The following OTUD7A variants were observed in gnomAD, a reference collection of about 807,000 sequenced individuals.
The protein encoded by OTUD7A is OTU domain-containing protein 7A.
In OTUD7A, 12 loss-of-function variants were observed where a neutral mutation model predicts 65.7. The observed-to-expected ratio is 0.18, with a 90% confidence interval of 0.12 to 0.30. OTUD7A has a LOEUF of 0.30. OTUD7A is among the 10% of genes least tolerant of loss of function. The pLI is 1.00. For synonymous variants in OTUD7A, 641 were observed against 586.3 expected (o/e 1.09, Z -1.35); for missense variants, 1,148 against 1,304.8 (o/e 0.88, Z 1.85).
chr15:31,804,005 C>T (rs1896203465), intron 1 of OTUD7A, among the ~76,000 whole-genome samples: 1 of 152,136 alleles, frequency 6.6e-6, no homozygotes, highest in Admixed American at 6.5e-5. Flanking sequence ...ACATCAGATG[C>T]CTCCCTAACT....
rs116887697 is a variant in OTUD7A at position 31,813,028 on chromosome 15, G to A, written c.-100+57479C>T. Among the ~76,000 whole-genome samples, 703 of 152,228 alleles carry A rather than the reference G, an allele frequency of 4.6e-3. 4 individuals are homozygous for A. Among genetic ancestry groups the A allele is most frequent in the East Asian group, 0.036 (186 of 5,184 alleles). ...GCCAGGCCCTTCCCTGGCCACTTTC[G>A]GAACCCAACCCAAAACACAGAGAAG... On this transcript the variant is annotated intron_variant, in intron 1 of 12. Transcript: ENST00000307050.
At chr15:31,594,080 T>G (rs1458546821) in intron 3 of OTUD7A, among the ~76,000 whole-genome samples, 1 of 152,192 alleles carries the variant, frequency 6.6e-6, no homozygotes, top group East Asian at 1.9e-4. Flanking sequence ...TAAAAAGGAA[T>G]TGAAATACTG....
At chr15:31,510,273 C>A (rs939714353) in intron 8 of OTUD7A, among the ~76,000 whole-genome samples, 1 of 152,014 alleles carries the variant, frequency 6.6e-6, no homozygotes, top group African/African-American at 2.4e-5. Flanking sequence ...GTTGGCTTTT[C>A]TTTCTGCGAC....
At chr15:31,596,125 C>G (rs566985852) in intron 3 of OTUD7A, among the ~76,000 whole-genome samples, 132 of 152,196 alleles carry the variant, frequency 8.7e-4, no homozygotes, top group African/African-American at 3.1e-3. Context: ...CAGTGGTAAC[C>G]AGAGCAGTGT....
At position 31,503,715 on chromosome 15, in the gene OTUD7A, T is replaced by C. The variant is rs889891165; in HGVS notation, c.997A>G (p.Met333Val). The change falls in exon 9 of 13, where the codon ATG becomes GTG. Residue 333 changes from methionine to valine, a missense_variant. Around this residue, in one of 6 missense-constraint regions of OTUD7A, gnomAD observed 58 missense variants for 131.4 expected, o/e 0.44. Coordinates refer to ENST00000307050, the MANE Select transcript of OTUD7A (RefSeq NM_001382637.1). ...RRPIVVVADT[M>V]LRDSGGEAFA... Reference sequence around the variant, plus strand: ...CCTTCTCCACCTGAGTCTCTTAACATTGTATCTGCCACAACAACGATGGGC... The same window carrying C: ...CCTTCTCCACCTGAGTCTCTTAACACTGTATCTGCCACAACAACGATGGGC... 2 of 1,614,056 alleles carry C rather than the reference T, an allele frequency of 1.2e-6. No homozygotes were observed. Among genetic ancestry groups the C allele is most frequent in the Non-Finnish European group, 8.5e-7 (1 of 1,180,028 alleles).
chr15:31,495,878 C>T (rs930302488), intron 10 of OTUD7A, among the ~76,000 whole-genome samples: 4 of 152,040 alleles, frequency 2.6e-5, no homozygotes, highest in East Asian at 1.9e-4. Context: ...CCAGCCTGGG[C>T]AACATGGAGA....
chr15:31,865,045 CCA>C, intron 1 of OTUD7A, among the ~76,000 whole-genome samples: 1 of 152,284 alleles, frequency 6.6e-6, no homozygotes, highest in Non-Finnish European at 1.5e-5. Context: ...GGGGTTGTGC[CCA>C]AGGTCACACA....
chr15:31,625,524 C>T (rs1001796251), intron 3 of OTUD7A, among the ~76,000 whole-genome samples: 6 of 151,870 alleles, frequency 4.0e-5, no homozygotes, highest in Non-Finnish European at 5.9e-5. Flanking sequence ...GCAGGACTCT[C>T]GTATGTTGTT....
At chr15:31,629,727 C>T (rs1298511461) in intron 3 of OTUD7A, among the ~76,000 whole-genome samples, 6 of 151,988 alleles carry the variant, frequency 3.9e-5, no homozygotes, top group African/African-American at 1.2e-4. Flanking sequence ...TGGTCCTGGA[C>T]GTTTTTGGTT....
chr15:31,780,528 G>A (rs535496114), intron 1 of OTUD7A, among the ~76,000 whole-genome samples: 2 of 152,310 alleles, frequency 1.3e-5, no homozygotes, highest in Non-Finnish European at 2.9e-5. Flanking sequence ...CCAGATCTGT[G>A]GGCTCCGCAG....
Position 31,481,184 on chromosome 15 carries a change from A to G in OTUD7A, c.*2110T>C, listed in dbSNP as rs1481364943. ...GTTTTTACATTAAGAAATGAAAAAA[A>G]CAAGCAAGAATTGACTTTATGCCTC... On this transcript the variant is annotated 3_prime_UTR_variant, in exon 13 of 13. Transcript: ENST00000307050. The G allele has an allele frequency of 6.6e-6, 1 of 152,164 alleles. No homozygotes were observed. Among genetic ancestry groups the G allele is most frequent in the Admixed American group, 6.5e-5 (1 of 15,280 alleles). The allele number at this position is 152,164 out of a possible 1,614,324, so 9.4% of individuals were successfully genotyped here.
At chr15:31,651,360 C>T (rs1290585561) in intron 3 of OTUD7A, among the ~76,000 whole-genome samples, 1 of 151,326 alleles carries the variant, frequency 6.6e-6, no homozygotes, top group East Asian at 1.9e-4. Context: ...AACCTATAGC[C>T]AACATTCTAC....
chr15:31,528,686 G>A (rs2042047429), intron 6 of OTUD7A, among the ~76,000 whole-genome samples: 1 of 152,184 alleles, frequency 6.6e-6, no homozygotes, highest in African/African-American at 2.4e-5. Context: ...TGCAGAGATG[G>A]CCTCCTTGTC....
chr15:31,502,744 G>C (rs1393679362), intron 9 of OTUD7A, among the ~76,000 whole-genome samples: 1 of 152,324 alleles, frequency 6.6e-6, no homozygotes, highest in East Asian at 1.9e-4. Context: ...GGCTTACGCA[G>C]CAGTGCCCTG....
intron 1 of OTUD7A, among the ~76,000 whole-genome samples, chr15:31,854,245 C>A (rs1897504517): frequency 6.6e-6 from 1 of 152,192 alleles, no homozygotes; most frequent in Non-Finnish European, 1.5e-5. Flanking sequence ...ACTCTGACCT[C>A]TGCTCTCACT....
chr15:31,805,427 G>A lies in OTUD7A; in HGVS notation c.-100+65080C>T, dbSNP rs369131284. Among the ~76,000 whole-genome samples the A allele has an allele frequency of 2.3e-4, 35 of 152,316 alleles. No individual in the cohort carries two copies. The East Asian group carries it at 6.8e-3, about 29-fold the overall frequency. ...CTGGGATGCCAGCCGACCTCACAGG[G>A]CCCTGTATGCAGGAAGGGCCTGACG... On this transcript the variant is annotated intron_variant, in intron 1 of 12. Coordinates refer to ENST00000307050, the MANE Select transcript of OTUD7A (RefSeq NM_001382637.1).
intron 5 of OTUD7A, among the ~76,000 whole-genome samples, chr15:31,535,372 T>G (rs1887762545): frequency 6.6e-6 from 1 of 152,216 alleles, no homozygotes; most frequent in Non-Finnish European, 1.5e-5. Context: ...GCCATGATTG[T>G]AAGTTTCCTG....
At position 31,477,412 on chromosome 15, in the gene OTUD7A, C is replaced by T. The variant is rs2041039575; in HGVS notation, c.*5882G>A. 1 of 152,270 alleles carries T rather than the reference C, an allele frequency of 6.6e-6. No homozygotes were observed. Among genetic ancestry groups the T allele is most frequent in the South Asian group, 2.1e-4 (1 of 4,828 alleles). The allele number at this position is 152,270 out of a possible 1,614,324, so 9.4% of individuals were successfully genotyped here. Reference sequence around the variant, plus strand: ...GCTACCTGCAGAAAACTGTCTTCATCCCAGCTGGTTCCAAAATGCTCCCCT... The same window carrying T: ...GCTACCTGCAGAAAACTGTCTTCATTCCAGCTGGTTCCAAAATGCTCCCCT... On this transcript the variant is annotated 3_prime_UTR_variant, in exon 13 of 13. Coordinates refer to ENST00000307050, the MANE Select transcript of OTUD7A (RefSeq NM_001382637.1).
chr15:31,526,811 C>T (rs114486216), intron 7 of OTUD7A, among the ~76,000 whole-genome samples: 8 of 152,206 alleles, frequency 5.3e-5, no homozygotes, highest in South Asian at 2.1e-4. Flanking sequence ...TGGGGACAAT[C>T]GGGAATCCCT....
Sources: gnomAD v4.1 joint callset for allele counts (sites outside exome capture counted in the v4.1 genomes callset) on GRCh38, gnomAD v4.1.1 for gene constraint, gnomAD v4.1.1 regional missense constraint, MANE v1.5 for transcripts, NCBI Gene and HGNC (gene_info 2026-07-23, HGNC 2026-07-21) for gene names.